The following BDP1 variants were observed in gnomAD, a reference collection of about 807,000 sequenced individuals.
The protein encoded by BDP1 is transcription factor TFIIIB component B'' homolog.
A neutral mutation model predicts 266.6 loss-of-function variants in BDP1; 169 were observed. The ratio of observed to expected loss-of-function variants is 0.63; its 90% confidence interval spans 0.56 to 0.72. The LOEUF is 0.72. Among genes scored for constraint, BDP1 ranks in the 30% least tolerant of loss-of-function variants. The probability of loss-of-function intolerance (pLI) is 0.00; values close to 1 mark genes in which losing one functional copy is unlikely to be tolerated. For missense variants in BDP1, 3,015 were observed against 3,053.8 expected (o/e 0.99, Z 0.30); for synonymous variants, 1,090 against 1,022.4 (o/e 1.07, Z -1.26).
chr5:71,465,552 C>T (rs1042883520), intron 4 of BDP1, among the ~76,000 whole-genome samples: 2 of 152,154 alleles, frequency 1.3e-5, no homozygotes, highest in African/African-American at 2.4e-5. Context: ...CCTGAACCAC[C>T]ATGTCCTGTC....
rs931592190 is a variant in BDP1, at chr5:71,461,696, TG to T, written c.490-117del. 7.1e-6 allele frequency: 4 copies of T among 561,130 alleles called. No homozygotes were observed. In the African/African-American group the frequency reaches 7.7e-5, roughly 11 times the overall value. The allele number at this position is 561,130 out of a possible 1,614,324, so 34.8% of individuals were successfully genotyped here. On this transcript the variant is annotated intron_variant, in intron 2 of 38. Transcript: ENST00000358731. ...TATTCCATCTACAAAATTACATAAT[TG>T]GGGTGAGAATAATATTAAAGCACTT...
intron 17 of BDP1, among the ~76,000 whole-genome samples, chr5:71,511,591 G>A (rs567183646): frequency 1.8e-4 from 27 of 152,318 alleles, no homozygotes; most frequent in Admixed American, 1.6e-3. Flanking sequence ...AGGCTGCAGT[G>A]AGCTGTGATT....
intron 37 of BDP1, among the ~76,000 whole-genome samples, chr5:71,561,092 G>T (rs764604475): frequency 6.9e-6 from 1 of 145,466 alleles, no homozygotes; most frequent in Non-Finnish European, 1.5e-5. Context: ...AACATAGCCA[G>T]ACCCGTCTCT....
intron 8 of BDP1, among the ~76,000 whole-genome samples, chr5:71,485,189 T>C (rs1045286933): frequency 2.6e-5 from 4 of 152,196 alleles, no homozygotes; most frequent in African/African-American, 9.6e-5. Context: ...TGTATGCCTA[T>C]AGGCCCAGCT....
At chr5:71,459,695 T>C (rs1034020879) in intron 2 of BDP1, among the ~76,000 whole-genome samples, 1 of 152,150 alleles carries the variant, frequency 6.6e-6, no homozygotes, top group South Asian at 2.1e-4. Flanking sequence ...GGCCCTGGAG[T>C]TAAATACTTA....
chr5:71,501,727 T>C, intron 14 of BDP1, 74 bp downstream of exon 14: 1 of 912,760 alleles, frequency 1.1e-6, no homozygotes, highest in Non-Finnish European at 1.7e-6. Flanking sequence ...TAATTTGTTT[T>C]CTACTTAATA....
chr5:71,500,558 C>T (rs1441781687), intron 13 of BDP1, among the ~76,000 whole-genome samples: 1 of 151,718 alleles, frequency 6.6e-6, no homozygotes, highest in Admixed American at 6.6e-5. Context: ...AACTTCTGAC[C>T]TCAGGTGGTC....
rs1743935928 is a variant in BDP1 at position 71,564,913 on chromosome 5, A to C, written c.*28A>C. 5.7e-6 allele frequency: 9 copies of C among 1,567,636 alleles called. No individual in the cohort carries two copies. In the East Asian group the frequency reaches 2.0e-4, roughly 35 times the overall value. Reference sequence around the variant, plus strand: ...CAATCTTTTCTCTTTTTCTTTTTTAAATTAGGTCTAGGATTTCCAGAGTCA... The same window carrying C: ...CAATCTTTTCTCTTTTTCTTTTTTACATTAGGTCTAGGATTTCCAGAGTCA... On this transcript the variant is annotated 3_prime_UTR_variant, in exon 39 of 39. Coordinates refer to ENST00000358731, the MANE Select transcript of BDP1 (RefSeq NM_018429.3).
In BDP1 at chr5:71,466,758, T is replaced by A. The variant is rs997561797; in HGVS notation, c.785+537T>A. On this transcript the variant is annotated intron_variant, in intron 5 of 38. Transcript: ENST00000358731. ...TTTAGTTGTCTTAAGGGTTTTTTTTTAAAAGATGATAAATTAGTAAGTAAA... is the reference window on the plus strand; with the variant it reads ...TTTAGTTGTCTTAAGGGTTTTTTTTAAAAAGATGATAAATTAGTAAGTAAA... Among the ~76,000 whole-genome samples the A allele has an allele frequency of 7.9e-5, 12 of 152,124 alleles. 1 individual carries two copies. Among genetic ancestry groups the A allele is most frequent in the African/African-American group, 2.9e-4 (12 of 41,542 alleles).
chr5:71,532,884 G>A (rs1260150845), intron 26 of BDP1, among the ~76,000 whole-genome samples: 1 of 152,084 alleles, frequency 6.6e-6, no homozygotes, highest in Non-Finnish European at 1.5e-5. Flanking sequence ...TCAATTTTAG[G>A]ACATTTTCAT....
At chr5:71,461,960 T>G in intron 3 of BDP1, 34 bp downstream of exon 3, 1 of 561,502 alleles carries the variant, frequency 1.8e-6, no homozygotes, top group East Asian at 4.9e-5. Context: ...TACTATCTCT[T>G]TTTTTTTTTT....
intron 7 of BDP1, among the ~76,000 whole-genome samples, chr5:71,472,137 G>T (rs1279332422): frequency 7.9e-5 from 12 of 152,122 alleles, no homozygotes; most frequent in African/African-American, 2.4e-4. Context: ...GGTTACTATG[G>T]CTCTAGCAGG....
intron 11 of BDP1, 95 bp downstream of exon 11, chr5:71,491,226 T>TC: frequency 8.3e-7 from 1 of 1,203,720 alleles, no homozygotes; most frequent in Non-Finnish European, 1.2e-6. Context: ...TTTGCCTGTT[T>TC]CTTTTTTTCA....
At position 71,470,467 on chromosome 5, in the gene BDP1, A is replaced by G; in HGVS notation, c.992A>G (p.His331Arg). Residue 331 changes from histidine to arginine, a missense_variant, in exon 7 of 39, where the codon CAC becomes CGC. By Grantham distance (29) the His-to-Arg change is conservative (BLOSUM62 0). Coordinates refer to ENST00000358731, the MANE Select transcript of BDP1 (RefSeq NM_018429.3). ...DFSMIGQLFP[H>R]RARIEIKNKF... Reference sequence around the variant, plus strand: ...TCTATGATCGGACAACTTTTTCCTCACAGAGCAAGGATAGAAATTAAGGTA... The same window carrying G: ...TCTATGATCGGACAACTTTTTCCTCGCAGAGCAAGGATAGAAATTAAGGTA... 6.2e-7 allele frequency: 1 copy of G among 1,611,038 alleles called. No individual in the cohort carries two copies. Among genetic ancestry groups the G allele is most frequent in the Non-Finnish European group, 8.5e-7 (1 of 1,177,948 alleles).
chr5:71,514,771 C>G (rs1201483196), intron 19 of BDP1, among the ~76,000 whole-genome samples, 173 bp from the exon 20 acceptor site: 1 of 151,998 alleles, frequency 6.6e-6, no homozygotes, highest in Non-Finnish European at 1.5e-5. Context: ...TATATTTCTA[C>G]TTGTTGAGTA....
intron 9 of BDP1, among the ~76,000 whole-genome samples, chr5:71,489,089 C>T (rs1763435543): frequency 6.6e-6 from 1 of 152,126 alleles, no homozygotes; most frequent in South Asian, 2.1e-4. Flanking sequence ...AGTCAAGGAG[C>T]ATCTCTATAT....
Position 71,565,399 on chromosome 5 carries a change from G to C in BDP1, c.*514G>C, listed in dbSNP as rs1743968349. 2 of 152,530 alleles carry C rather than the reference G, an allele frequency of 1.3e-5. No homozygotes were observed. The highest frequency in any genetic ancestry group is 1.3e-4 in the Admixed American group (2 of 15,290). 9.4% of individuals were successfully genotyped at this position (152,530 alleles called of 1,614,324 possible). On this transcript the variant is annotated 3_prime_UTR_variant, in exon 39 of 39. Coordinates refer to ENST00000358731, the MANE Select transcript of BDP1 (RefSeq NM_018429.3). ...TCAATGATGGACCACATATATTACA[G>C]TGGTCCCATGCAATTAAAATGGAGA... is the stretch of plus-strand genomic sequence containing the variant.
intron 11 of BDP1, 88 bp from the exon 12 acceptor site, chr5:71,495,162 A>G: frequency 1.3e-6 from 1 of 796,240 alleles, no homozygotes; most frequent in Non-Finnish European, 1.8e-6. Context: ...CAAAATGGTG[A>G]TTTTGTGTGT....
At chr5:71,458,988 C>T in intron 2 of BDP1, 133 bp downstream of exon 2, 1 of 782,784 alleles carries the variant, frequency 1.3e-6, no homozygotes, top group Non-Finnish European at 2.0e-6. Context: ...ATAGAACATC[C>T]CTTCTTGTTA....
Sources: gnomAD v4.1 joint callset for allele counts (sites outside exome capture counted in the v4.1 genomes callset) on GRCh38, gnomAD v4.1.1 for gene constraint, MANE v1.5 for transcripts, NCBI Gene and HGNC (gene_info 2026-07-23, HGNC 2026-07-21) for gene names.